Variants in LNX1 observed in about 807,000 individuals in gnomAD.
LNX1 encodes the protein ligand of numb-protein X 1, also known as E3 ubiquitin-protein ligase LNX.
LNX1 carries 54 observed loss-of-function variants against 68.4 expected under a neutral mutation model. The observed-to-expected ratio is 0.79, with a 90% confidence interval of 0.63 to 0.99. The LOEUF (loss-of-function observed/expected upper bound fraction) is 0.99. Ranked by LOEUF, LNX1 falls within the 50% of genes least tolerant of loss-of-function variation. The pLI is 0.00. For missense variants in LNX1, 906 were observed against 926.4 expected (o/e 0.98, Z 0.29); for synonymous variants, 336 against 350.0 (o/e 0.96, Z 0.45).
chr4:53,593,302 T>G (rs1732599541), upstream of LNX1, among the ~76,000 whole-genome samples: 1 of 152,188 alleles, frequency 6.6e-6, no homozygotes, highest in Non-Finnish European at 1.5e-5. Flanking sequence ...CCTTCAGCGG[T>G]CTTGCCTTTG....
chr4:53,496,573 T>C (rs570787185), intron 5 of LNX1, 179 bp from the exon 6 acceptor site: 1 of 702,382 alleles, frequency 1.4e-6, no homozygotes, highest in South Asian at 2.1e-5. Context: ...TCTCCAAGCG[T>C]GGCCTGCAGC....
chr4:53,469,205 T>TA (rs1722950701), intron 9 of LNX1, among the ~76,000 whole-genome samples: 1 of 152,152 alleles, frequency 6.6e-6, no homozygotes, highest in Non-Finnish European at 1.5e-5. Context: ...ACTGCTCAAC[T>TA]ACATGGAAAC....
intron 2 of LNX1, among the ~76,000 whole-genome samples, chr4:53,561,328 A>T (rs1203808041): frequency 6.6e-6 from 1 of 152,004 alleles, no homozygotes; most frequent in African/African-American, 2.4e-5. Flanking sequence ...CCCAGGTTCA[A>T]ACGATTCTCC....
intron 2 of LNX1, among the ~76,000 whole-genome samples, chr4:53,538,060 T>C (rs756360991): frequency 6.6e-6 from 1 of 152,236 alleles, no homozygotes; most frequent in Non-Finnish European, 1.5e-5. Flanking sequence ...GAAATTTACA[T>C]AGCAATTGGT....
At chr4:53,463,702 T>C (rs569322338) in intron 9 of LNX1, among the ~76,000 whole-genome samples, 5 of 152,254 alleles carry the variant, frequency 3.3e-5, no homozygotes, top group East Asian at 3.9e-4. Context: ...GAGAAAATTA[T>C]GGTTACCTCA....
At chr4:53,650,518 C>T (rs1735056654) in intron 1 of LNX1, among the ~76,000 whole-genome samples, 1 of 152,094 alleles carries the variant, frequency 6.6e-6, no homozygotes, top group Non-Finnish European at 1.5e-5. Flanking sequence ...GGAGAAAACT[C>T]TGTGGTGTTG....
chr4:53,542,607 G>A (rs1728838543), intron 2 of LNX1, among the ~76,000 whole-genome samples: 1 of 152,042 alleles, frequency 6.6e-6, no homozygotes, highest in African/African-American at 2.4e-5. Flanking sequence ...GGCAAGAGGA[G>A]GGAAAAAATA....
At chr4:53,556,610 C>T (rs1729930965) in intron 2 of LNX1, among the ~76,000 whole-genome samples, 1 of 152,194 alleles carries the variant, frequency 6.6e-6, no homozygotes, top group South Asian at 2.1e-4. Context: ...AAAGCTTCTG[C>T]AAGGTCATTA....
intron 2 of LNX1, among the ~76,000 whole-genome samples, chr4:53,557,226 G>T (rs1457070295): frequency 6.6e-6 from 1 of 152,144 alleles, no homozygotes; most frequent in Non-Finnish European, 1.5e-5. Context: ...ATGTATTTAG[G>T]GGTGATATGT....
At chr4:53,648,716 A>G (rs1734982009) in intron 1 of LNX1, among the ~76,000 whole-genome samples, 1 of 152,202 alleles carries the variant, frequency 6.6e-6, no homozygotes, top group South Asian at 2.1e-4. Context: ...TGGGGGCTGA[A>G]AGGCCACTGG....
At chr4:53,629,693 G>A (rs984779910) in intron 1 of LNX1, among the ~76,000 whole-genome samples, 10 of 152,174 alleles carry the variant, frequency 6.6e-5, no homozygotes, top group African/African-American at 2.4e-4. Context: ...CCTGCTCTGT[G>A]TTTGTTCAAT....
chr4:53,525,342 T>A (rs1234626238), intron 2 of LNX1, among the ~76,000 whole-genome samples: 3 of 151,920 alleles, frequency 2.0e-5, no homozygotes, highest in Non-Finnish European at 2.9e-5. Context: ...GTTAGCTGAG[T>A]GTGGTGGTGC....
chr4:53,581,738 A>G (rs369973193), intron 1 of LNX1, among the ~76,000 whole-genome samples: 1 of 152,124 alleles, frequency 6.6e-6, no homozygotes, highest in African/African-American at 2.4e-5. Context: ...CCCTCCCACA[A>G]CATGTGGGGA....
chr4:53,466,487 G>T (rs1419172751), intron 9 of LNX1, among the ~76,000 whole-genome samples: 1 of 152,146 alleles, frequency 6.6e-6, no homozygotes, highest in African/African-American at 2.4e-5. Context: ...AGTGCCAGAC[G>T]GTGCAGGACA....
intron 2 of LNX1, among the ~76,000 whole-genome samples, chr4:53,523,931 G>T (rs1727429009): frequency 6.6e-6 from 1 of 152,310 alleles, no homozygotes; most frequent in East Asian, 1.9e-4. Flanking sequence ...AGGATACTGA[G>T]AACTTACATT....
intron 2 of LNX1, among the ~76,000 whole-genome samples, chr4:53,548,188 G>A (rs572322373): frequency 6.6e-6 from 1 of 151,752 alleles, no homozygotes; most frequent in African/African-American, 2.4e-5. Flanking sequence ...GGCCTGCCAA[G>A]TTTTATTTGG....
At chr4:53,499,734 G>A (rs1055987820) in intron 4 of LNX1, among the ~76,000 whole-genome samples, 24 of 152,124 alleles carry the variant, frequency 1.6e-4, no homozygotes, top group African/African-American at 4.8e-4. Flanking sequence ...AGGCTTGGGG[G>A]AACATCAGTT....
intron 2 of LNX1, among the ~76,000 whole-genome samples, chr4:53,511,919 C>T (rs1726370368): frequency 6.6e-6 from 1 of 152,198 alleles, no homozygotes; most frequent in African/African-American, 2.4e-5. Flanking sequence ...ACAAAGTGAA[C>T]CTCAATACTC....
intron 2 of LNX1, among the ~76,000 whole-genome samples, chr4:53,518,949 A>G (rs1727002551): frequency 6.6e-6 from 1 of 152,192 alleles, no homozygotes; most frequent in Non-Finnish European, 1.5e-5. Flanking sequence ...GTCTGTCATA[A>G]CGGGGTTGGC....
Sources: gnomAD v4.1 joint callset for allele counts (sites outside exome capture counted in the v4.1 genomes callset) on GRCh38, gnomAD v4.1.1 for gene constraint, MANE v1.5 for transcripts, NCBI Gene and HGNC (gene_info 2026-07-23, HGNC 2026-07-21) for gene names.